The following SLC8A1 variants were observed in gnomAD, a reference collection of about 807,000 sequenced individuals.
SLC8A1 encodes the protein solute carrier family 8 member A1.
SLC8A1 carries 18 observed loss-of-function variants against 68.3 expected under a neutral mutation model. That is an observed-to-expected ratio of 0.26 (90% confidence interval 0.18 to 0.39). The LOEUF (loss-of-function observed/expected upper bound fraction) is 0.39, where lower values mean the gene tolerates loss of function less well. SLC8A1 is among the 10% of genes least tolerant of loss of function. SLC8A1 has a pLI of 1.00. For synonymous variants in SLC8A1, 475 were observed against 415.5 expected, an observed-to-expected ratio of 1.14 and a Z score of -1.74; for missense variants, 985 against 1,156.7, an observed-to-expected ratio of 0.85 and a Z score of 2.15.
intron 2 of SLC8A1, among the ~76,000 whole-genome samples, chr2:40,184,938 G>C (rs919509975): frequency 7.5e-6 from 1 of 132,536 alleles, no homozygotes; most frequent in African/African-American, 2.8e-5. Context: ...AAGAAAAAAA[G>C]ATGGGCAAAG....
intron 7 of SLC8A1, 144 bp downstream of exon 10, chr2:40,139,257 G>T: frequency 1.1e-6 from 1 of 902,648 alleles, no homozygotes; most frequent in Non-Finnish European, 1.7e-6. Context: ...TGTTCCGGCA[G>T]TAACATTTAT....
intron 2 of SLC8A1, among the ~76,000 whole-genome samples, chr2:40,379,455 C>T (rs1437436609): frequency 6.6e-6 from 1 of 152,090 alleles, no homozygotes; most frequent in Non-Finnish European, 1.5e-5. Context: ...ACCAGGAGAT[C>T]TATAAATACA....
intron 2 of SLC8A1, among the ~76,000 whole-genome samples, chr2:40,198,347 A>G (rs1483450334): frequency 1.3e-5 from 2 of 151,938 alleles, no homozygotes; most frequent in African/African-American, 2.4e-5. Flanking sequence ...GCTACTAACC[A>G]GAGTTCTTGT....
At chr2:40,263,478 C>T (rs923898395) in intron 2 of SLC8A1, among the ~76,000 whole-genome samples, 2 of 152,170 alleles carry the variant, frequency 1.3e-5, no homozygotes, top group Non-Finnish European at 2.9e-5. Context: ...GCAACCAAAA[C>T]AGCATGGTAC....
intron 2 of SLC8A1, among the ~76,000 whole-genome samples, chr2:40,207,486 TAC>T (rs2055678451): frequency 6.6e-6 from 1 of 152,108 alleles, no homozygotes; most frequent in Non-Finnish European, 1.5e-5. Flanking sequence ...AACTCATGAT[TAC>T]AGTTTCATAA....
chr2:40,457,871 C>T (rs148484962), intron 1 of SLC8A1, among the ~76,000 whole-genome samples: 2 of 152,156 alleles, frequency 1.3e-5, no homozygotes, highest in African/African-American at 2.4e-5. Flanking sequence ...CTAGTTGGGG[C>T]TGCTATGGTT....
chr2:40,340,933 A>G (rs1227055519), intron 2 of SLC8A1, among the ~76,000 whole-genome samples: 2 of 152,160 alleles, frequency 1.3e-5, no homozygotes, highest in African/African-American at 2.4e-5. Flanking sequence ...ACACAAATAT[A>G]CATTCCCATG....
At chr2:40,139,415 C>T (rs751611210) in exon 7 of SLC8A1, 2 of 1,614,068 alleles carry the variant, frequency 1.2e-6, no homozygotes, top group African/African-American at 1.3e-5. Flanking sequence ...CACTGATGTT[C>T]CAAGTGCGAC....
At chr2:40,230,037 A>G (rs1175677679) in intron 2 of SLC8A1, among the ~76,000 whole-genome samples, 4 of 152,202 alleles carry the variant, frequency 2.6e-5, no homozygotes, top group African/African-American at 4.8e-5. Context: ...GTCCAGAAAG[A>G]AGAACTGATT....
At chr2:40,239,491 T>C (rs2060911975) in intron 2 of SLC8A1, among the ~76,000 whole-genome samples, 1 of 152,118 alleles carries the variant, frequency 6.6e-6, no homozygotes, top group South Asian at 2.1e-4. Context: ...AACCAATGCC[T>C]AAAAAAGTTA....
chr2:40,179,957 C>T (rs1279019325), intron 2 of SLC8A1, among the ~76,000 whole-genome samples: 1 of 152,114 alleles, frequency 6.6e-6, no homozygotes, highest in Non-Finnish European at 1.5e-5. Flanking sequence ...ACTCTCTGTT[C>T]CTCAGCTAAA....
chr2:40,345,556 T>G (rs1668987294), intron 2 of SLC8A1, among the ~76,000 whole-genome samples: 1 of 151,976 alleles, frequency 6.6e-6, no homozygotes, highest in Non-Finnish European at 1.5e-5. Context: ...TGTTAATAAA[T>G]GAATAAAAAA....
chr2:40,117,118 T>G (rs1208735604), intron 7 of SLC8A1: 1 of 152,172 alleles, frequency 6.6e-6, no homozygotes, highest in Admixed American at 6.5e-5. Flanking sequence ...TTTGTTGTTT[T>G]GGAAACACAA....
At chr2:40,381,124 T>C (rs1034851926) in intron 2 of SLC8A1, among the ~76,000 whole-genome samples, 1 of 152,032 alleles carries the variant, frequency 6.6e-6, no homozygotes, top group African/African-American at 2.4e-5. Flanking sequence ...AGATTGTATA[T>C]CCACAACAAC....
chr2:40,259,950 A>G (rs1382052538), intron 2 of SLC8A1, among the ~76,000 whole-genome samples: 1 of 152,160 alleles, frequency 6.6e-6, no homozygotes, highest in Non-Finnish European at 1.5e-5. Flanking sequence ...TTTTTCAACC[A>G]TCTTTCTGAC....
chr2:40,497,009 G>A (rs1705752167), intron 1 of SLC8A1, among the ~76,000 whole-genome samples: 1 of 151,418 alleles, frequency 6.6e-6, no homozygotes, highest in South Asian at 2.1e-4. Context: ...CACCAGCATG[G>A]CACATGTATA....
At chr2:40,264,554 C>G (rs2065113476) in intron 2 of SLC8A1, among the ~76,000 whole-genome samples, 1 of 152,102 alleles carries the variant, frequency 6.6e-6, no homozygotes, top group African/African-American at 2.4e-5. Flanking sequence ...TTTGTAGGGA[C>G]ACGGATGAAG....
intron 1 of SLC8A1, among the ~76,000 whole-genome samples, 165 bp from the exon 2 acceptor site, chr2:40,430,469 G>A (rs1698029763): frequency 6.6e-6 from 1 of 152,022 alleles, no homozygotes; most frequent in Non-Finnish European, 1.5e-5. Context: ...CAAAATCTAT[G>A]GTGAATGATT....
intron 2 of SLC8A1, among the ~76,000 whole-genome samples, chr2:40,233,692 A>G (rs1574447580): frequency 6.8e-6 from 1 of 146,094 alleles, no homozygotes; most frequent in Non-Finnish European, 1.5e-5. Flanking sequence ...CCTGAATGGT[A>G]ATGCCTAGGT....
Sources: allele counts gnomAD v4.1 joint callset (sites outside exome capture counted in the v4.1 genomes callset), GRCh38; gene constraint gnomAD v4.1.1; transcripts MANE v1.5; gene names NCBI Gene and HGNC (gene_info 2026-07-23, HGNC 2026-07-21).